Variants in ACBD4 observed in about 807,000 individuals in gnomAD.
The protein encoded by ACBD4 is acyl-CoA-binding domain-containing protein 4.
A neutral mutation model predicts 46.0 loss-of-function variants in ACBD4; 41 were observed. The ratio of observed to expected loss-of-function variants is 0.89; its 90% CI spans 0.69 to 1.16. The LOEUF is 1.16. Ranked by LOEUF, ACBD4 falls within the 50% of genes most tolerant of loss-of-function variation. ACBD4 has a pLI of 0.00. For missense variants in ACBD4, 393 were observed against 399.5 expected (o/e 0.98, Z 0.14); for synonymous variants, 162 against 155.9 (o/e 1.04, Z -0.29).
chr17:45,136,542 G>C lies in ACBD4; in HGVS notation c.131G>C (p.Ser44Thr), dbSNP rs2054848579. ...TATGAAGAGATGCTGCGATTCTACA[G>C]TTACTACAAGCAGGCCACCATGGGG... The part of the protein sequence containing the change: ...PSYEEMLRFY[S>T]YYKQATMGPC... The change falls in exon 3 of 10, where the codon AGT becomes ACT. Residue 44 changes from serine to threonine, a missense_variant. Around this residue, in one of 3 missense-constraint regions of ACBD4, gnomAD observed 24 missense variants for 47.4 expected, o/e 0.51. Transcript: ENST00000321854. 1.2e-6 allele frequency: 2 copies of C among 1,613,762 alleles called. No individual in the cohort carries two copies. Among genetic ancestry groups the C allele is most frequent in the Non-Finnish European group, 1.7e-6 (2 of 1,179,966 alleles).
chr17:45,138,133 C>A, intron 8 of ACBD4, 145 bp downstream of exon 8: 1 of 875,598 alleles, frequency 1.1e-6, no homozygotes, highest in Non-Finnish European at 1.8e-6. Flanking sequence ...GGAAGGGCTG[C>A]CAACCAGCCA....
chr17:45,139,069 T>C lies in ACBD4; in HGVS notation c.698T>C (p.Leu233Pro), dbSNP rs769467191. Residue 233 changes from leucine to proline, a missense_variant, in exon 9 of 10, where the codon CTG becomes CCG. Leu to Pro is a moderately conservative substitution (Grantham distance 98, BLOSUM62 -3). Transcript: ENST00000321854. ...GGGCCCCAGGAGTTGGACGTGTGGC[T>C]GCTGGGGACAGTTCGAGCACTACAG... ...PPGPQELDVW[L>P]LGTVRALQES... The C allele has an allele frequency of 6.2e-7, 1 of 1,613,832 alleles. No homozygotes were observed. Among genetic ancestry groups the C allele is most frequent in the Admixed American group, 1.7e-5 (1 of 60,020 alleles).
intron 9 of ACBD4, chr17:45,142,571 T>A: frequency 3.8e-6 from 1 of 266,156 alleles, no homozygotes; most frequent in Admixed American, 4.4e-5. Context: ...TTTTTTTTTT[T>A]TTGAGATGCA....
chr17:45,143,755 G>A lies in ACBD4; in HGVS notation c.*184G>A. 7 of 1,018,562 alleles carry A rather than the reference G, an allele frequency of 6.9e-6. 1 individual carries two copies. The highest frequency in any genetic ancestry group is 3.3e-5 in the South Asian group (2 of 61,128). 63.1% of individuals were successfully genotyped at this position (1,018,562 alleles called of 1,614,324 possible). ...CCCCTCCCTGCAGCTTCACAGGGACGCTTCCTTCCCTCCCCGCAACCACCC... is the reference window on the plus strand; with the variant it reads ...CCCCTCCCTGCAGCTTCACAGGGACACTTCCTTCCCTCCCCGCAACCACCC... On this transcript the variant is annotated 3_prime_UTR_variant, in exon 10 of 10. Transcript: ENST00000321854.
rs538339028 is a variant in ACBD4, at chr17:45,141,239, C to G, written c.789+2079C>G. Among the ~76,000 whole-genome samples, 176 of 152,254 alleles carry G rather than the reference C, an allele frequency of 1.2e-3. 2 individuals carry two copies. The highest frequency in any genetic ancestry group is 0.011 in the Admixed American group (173 of 15,286). ...CTTTCAATTCTCTTTTAATCTAGCC[C>G]AGTCCTTCTCCTTGCTATTGACTTG... On this transcript the variant is annotated intron_variant, in intron 9 of 9. Coordinates refer to ENST00000321854, the MANE Select transcript of ACBD4 (RefSeq NM_001135705.3).
chr17:45,138,290 G>A (rs771511746), intron 8 of ACBD4: 7 of 523,024 alleles, frequency 1.3e-5, no homozygotes, highest in South Asian at 4.5e-5. Flanking sequence ...ACAGCCTCAG[G>A]AAGTCATCCA....
upstream of ACBD4, among the ~76,000 whole-genome samples, chr17:45,134,516 C>T (rs948816087): frequency 3.3e-5 from 5 of 152,200 alleles, no homozygotes; most frequent in Non-Finnish European, 1.5e-5. Flanking sequence ...GTGGCTCACG[C>T]CTGTAATCCC....
chr17:45,143,791 T>G lies in ACBD4; in HGVS notation c.*220T>G. On this transcript the variant is annotated 3_prime_UTR_variant, in exon 10 of 10. Coordinates refer to ENST00000321854, the MANE Select transcript of ACBD4 (RefSeq NM_001135705.3). ...TCCCCGCAACCACCCCAGGCTCCCC[T>G]GGGAGGCTGCAGTTGTGGTACACGT... is the stretch of plus-strand genomic sequence containing the variant. 1 of 736,236 alleles carries G rather than the reference T, an allele frequency of 1.4e-6. No individual in the cohort carries two copies. Among genetic ancestry groups the G allele is most frequent in the Non-Finnish European group, 2.2e-6 (1 of 462,622 alleles). 45.6% of individuals were successfully genotyped at this position (736,236 alleles called of 1,614,324 possible).
intron 9 of ACBD4, chr17:45,142,445 A>G (rs1388121600): frequency 6.3e-6 from 1 of 159,206 alleles, no homozygotes; most frequent in Non-Finnish European, 1.4e-5. Flanking sequence ...AAAGAAAGAA[A>G]TTAATTTAAA....
intron 5 of ACBD4, 83 bp from the exon 6 acceptor site, chr17:45,137,285 G>T: frequency 6.3e-7 from 1 of 1,597,954 alleles, no homozygotes; most frequent in Admixed American, 1.7e-5. Context: ...CAGCATCCAC[G>T]GCTCATCACG....
intron 9 of ACBD4, 138 bp from the exon 10 acceptor site, chr17:45,143,305 C>G (rs1252933567): frequency 1.4e-6 from 1 of 718,924 alleles, no homozygotes; most frequent in African/African-American, 1.8e-5. Flanking sequence ...GTCAGGACCA[C>G]CTGGGGGCCA....
In ACBD4 at chr17:45,139,091, A is replaced by T. The variant is rs1052417977; in HGVS notation, c.720A>T (p.Leu240=). 1.2e-6 allele frequency: 2 copies of T among 1,613,858 alleles called. No individual in the cohort carries two copies. Among genetic ancestry groups the T allele is most frequent in the Admixed American group, 3.3e-5 (2 of 60,032 alleles). ...DVWLLGTVRA[L]QESMQEVQAR... ...GGCTGCTGGGGACAGTTCGAGCACT[A>T]CAGGAGAGCATGCAGGAGGTGCAGG... The change falls in exon 9 of 10, where the codon CTA becomes CTT. Residue 240 remains leucine, a synonymous_variant. Transcript: ENST00000321854.
intron 8 of ACBD4, chr17:45,138,193 G>T: frequency 3.2e-6 from 2 of 620,710 alleles, no homozygotes; most frequent in Non-Finnish European, 5.6e-6. Context: ...TCTCCCCAAA[G>T]GGCACCCAGG....
At chr17:45,140,177 T>A (rs925815209) in intron 9 of ACBD4, among the ~76,000 whole-genome samples, 1 of 151,642 alleles carries the variant, frequency 6.6e-6, no homozygotes, top group African/African-American at 2.4e-5. Context: ...CTGTTTTTTT[T>A]TTTTTCTTTT....
upstream of ACBD4, among the ~76,000 whole-genome samples, chr17:45,131,914 G>A (rs1319009279): frequency 6.8e-6 from 1 of 146,130 alleles, no homozygotes; most frequent in Admixed American, 6.8e-5. Context: ...AGATACTGCT[G>A]GGGAGCCGGA....
chr17:45,136,436 C>A, intron 2 of ACBD4, 64 bp from the exon 3 acceptor site: 2 of 1,557,150 alleles, frequency 1.3e-6, no homozygotes, highest in Non-Finnish European at 1.7e-6. Context: ...CAGGGTTCTC[C>A]CGCCCCTCCG....
At chr17:45,134,633 T>C (rs1343017317), upstream of ACBD4, among the ~76,000 whole-genome samples, 2 of 151,536 alleles carry the variant, frequency 1.3e-5, no homozygotes, top group Non-Finnish European at 1.5e-5. Context: ...AAAAATTAGC[T>C]GGGCGTGGTG....
In ACBD4 at chr17:45,143,425, C is replaced by T; in HGVS notation, c.790-18C>T. 6.3e-7 allele frequency: 1 copy of T among 1,594,716 alleles called. No individual in the cohort carries two copies. The highest frequency in any genetic ancestry group is 1.1e-5 in the South Asian group (1 of 89,614). On this transcript the variant is annotated intron_variant, in intron 9 of 9. Transcript: ENST00000321854. ...TGAGGCCTGGACTGGCCTCTGACTC[C>T]CTCCCTCTTGGCTGCAGAGGCCGCA... is the stretch of plus-strand genomic sequence containing the variant.
At chr17:45,137,262 G>A in intron 5 of ACBD4, 106 bp from the exon 6 acceptor site, 1 of 1,594,628 alleles carries the variant, frequency 6.3e-7, no homozygotes, top group Non-Finnish European at 8.6e-7. Flanking sequence ...GCCCCCGAGA[G>A]GTGGATCCCA....
Sources: gnomAD v4.1 joint callset for allele counts (sites outside exome capture counted in the v4.1 genomes callset) on GRCh38, gnomAD v4.1.1 for gene constraint, gnomAD v4.1.1 regional missense constraint, MANE v1.5 for transcripts, NCBI Gene and HGNC (gene_info 2026-07-23, HGNC 2026-07-21) for gene names.